ERCC6: variants seen among roughly 807,000 people sequenced by gnomAD.
ERCC6 encodes the protein ERCC excision repair 6, chromatin remodeling factor, also known as DNA excision repair protein ERCC-6.
In ERCC6, 116 loss-of-function variants were observed where a neutral mutation model predicts 158.7. The observed-to-expected ratio is 0.73, with a 90% CI of 0.63 to 0.85. The LOEUF is 0.85. ERCC6 is among the 40% of genes least tolerant of loss of function. The pLI is 0.00. For synonymous variants in ERCC6, 678 were observed against 659.3 expected (o/e 1.03, Z -0.43); for missense variants, 1,698 against 1,799.4 (o/e 0.94, Z 1.02).
intron 8 of ERCC6, among the ~76,000 whole-genome samples, chr10:49,489,711 T>C (rs1851138908): frequency 6.6e-6 from 1 of 152,164 alleles, no homozygotes; most frequent in African/African-American, 2.4e-5. Context: ...ACATAAGCAA[T>C]TTATCATTAT....
In ERCC6 at chr10:49,471,021, A is replaced by C. The variant is rs1454282398; in HGVS notation, c.3024T>G (p.Thr1008=). The C allele has an allele frequency of 1.2e-6, 2 of 1,614,158 alleles. No homozygotes were observed. Among genetic ancestry groups the C allele is most frequent in the Admixed American group, 3.3e-5 (2 of 60,030 alleles). The change falls in exon 17 of 21, where the codon ACT becomes ACG. Residue 1008 remains threonine (T), a synonymous_variant. Coordinates refer to ENST00000355832, the MANE Select transcript of ERCC6 (RefSeq NM_000124.4). ...SNDLYELFTL[T]SPDASQSTET... ...CAGTGCTCTGGGATGCATCAGGACT[A>C]GTCAGAGTAAATAGCTCATAGAGAT...
Position 49,457,672 on chromosome 10 carries a change from C to T in ERCC6, c.*1143G>A, listed in dbSNP as rs748053648. 1.3e-5 allele frequency: 2 copies of T among 152,140 alleles called. No homozygotes were observed. The highest frequency in any genetic ancestry group is 2.9e-5 in the Non-Finnish European group (2 of 68,028). The allele number at this position is 152,140 out of a possible 1,614,324, so 9.4% of individuals were successfully genotyped here. On this transcript the variant is annotated 3_prime_UTR_variant, in exon 21 of 21. Transcript: ENST00000355832. ...ATACAAATCCAAGAAACAAACTGCA[C>T]TAAGACAGCTAAGAAGAAATTTCAG...
At chr10:49,475,965 C>T (rs948793234) in intron 12 of ERCC6, among the ~76,000 whole-genome samples, 2 of 152,204 alleles carry the variant, frequency 1.3e-5, no homozygotes, top group African/African-American at 4.8e-5. Context: ...CTCGCAGCTG[C>T]ATTTGCGTCT....
chr10:49,482,264 C>A (rs1240138314), intron 10 of ERCC6, among the ~76,000 whole-genome samples: 3 of 152,118 alleles, frequency 2.0e-5, no homozygotes. Context: ...TCCTAGTGTC[C>A]CCTTTTCTAA....
At chr10:49,507,460 A>G (rs1360518458) in intron 5 of ERCC6, among the ~76,000 whole-genome samples, 1 of 152,170 alleles carries the variant, frequency 6.6e-6, no homozygotes, top group Non-Finnish European at 1.5e-5. Flanking sequence ...AAAAAAATTT[A>G]ATGTCCTTTT....
intron 7 of ERCC6, among the ~76,000 whole-genome samples, chr10:49,495,180 G>A (rs943490170): frequency 1.3e-5 from 2 of 152,130 alleles, no homozygotes; most frequent in African/African-American, 2.4e-5. Context: ...CTTCAGTCTT[G>A]CTGGGAGTTG....
Position 49,524,176 on chromosome 10 carries a change from T to G in ERCC6, c.1254A>C (p.Pro418=). The change falls in exon 5 of 21, where the codon CCA becomes CCC. Residue 418 remains proline, a synonymous_variant. Coordinates refer to ENST00000355832, the MANE Select transcript of ERCC6 (RefSeq NM_000124.4). ...PKGGKRQKKV[P]VQEIDDDFFP... ...AAAAGTCATCATCAATCTCCTGCAC[T>G]GGCACTTTCTTCTGCCGTTTCCCGC... The G allele has an allele frequency of 6.2e-7, 1 of 1,614,198 alleles. No individual in the cohort carries two copies. The highest frequency in any genetic ancestry group is 8.5e-7 in the Non-Finnish European group (1 of 1,180,034).
At chr10:49,505,596 T>C (rs979440176) in intron 6 of ERCC6, 8 of 277,440 alleles carry the variant, frequency 2.9e-5, no homozygotes, top group African/African-American at 1.1e-4. Flanking sequence ...ACAAAAAAAT[T>C]ATTCAACATA....
chr10:49,473,167 G>T, intron 14 of ERCC6, 139 bp from the exon 15 acceptor site: 1 of 1,172,692 alleles, frequency 8.5e-7, no homozygotes, highest in Non-Finnish European at 1.2e-6. Context: ...GAGACCTCTG[G>T]TGAATCAAAA....
chr10:49,466,995 G>A (rs1024373918), intron 18 of ERCC6, among the ~76,000 whole-genome samples: 5 of 152,078 alleles, frequency 3.3e-5, no homozygotes, highest in Non-Finnish European at 7.4e-5. Flanking sequence ...TGTCCAGGTT[G>A]GTCTCGAACT....
At chr10:49,515,885 G>A in intron 5 of ERCC6, 2 of 1,614,138 alleles carry the variant, frequency 1.2e-6, no homozygotes, top group Non-Finnish European at 1.7e-6. Context: ...TCCATCTGCA[G>A]ACAATATTGC....
chr10:49,449,266 TTA>T (rs1331854151), downstream of ERCC6, among the ~76,000 whole-genome samples: 1 of 152,238 alleles, frequency 6.6e-6, no homozygotes, highest in Non-Finnish European at 1.5e-5. Flanking sequence ...TTGGCCATTT[TTA>T]TATATTTGGG....
chr10:49,438,344 A>G, the ERCC6 span, among the ~76,000 whole-genome samples: 2 of 152,200 alleles, frequency 1.3e-5, no homozygotes, highest in South Asian at 4.1e-4. Flanking sequence ...GGGAGGCAAA[A>G]GGCACTTCTT....
At chr10:49,517,985 G>T (rs998673245) in intron 5 of ERCC6, among the ~76,000 whole-genome samples, 1 of 151,908 alleles carries the variant, frequency 6.6e-6, no homozygotes, top group African/African-American at 2.4e-5. Flanking sequence ...TTTAATTTGG[G>T]CTTTAAAAAA....
chr10:49,454,342 G>A (rs1045408943), downstream of ERCC6, among the ~76,000 whole-genome samples: 1 of 152,154 alleles, frequency 6.6e-6, no homozygotes, highest in African/African-American at 2.4e-5. Context: ...CTCCCTGTGA[G>A]GTACCATACC....
At chr10:49,500,941 G>C (rs1851346181) in intron 6 of ERCC6, 1 of 489,174 alleles carries the variant, frequency 2.0e-6, no homozygotes, top group African/African-American at 1.9e-5. Flanking sequence ...ACTGATAGAT[G>C]GGGTAATTAG....
rs766712094 is a variant in ERCC6, at chr10:49,516,240, C to T, written c.1397+7793G>A. 5.0e-5 allele frequency: 81 copies of T among 1,614,006 alleles called. 1 individual carries two copies. The highest frequency in any genetic ancestry group is 3.7e-4 in the South Asian group (34 of 91,078). ...ACCACACCAAAACTTATAGCCAAAC[C>T]GAATGGGCTTTCCCCGAATAAATTG... is the stretch of plus-strand genomic sequence containing the variant. On this transcript the variant is annotated intron_variant, in intron 5 of 20. Coordinates refer to ENST00000355832, the MANE Select transcript of ERCC6 (RefSeq NM_000124.4).
chr10:49,519,243 G>A (rs4253063), intron 5 of ERCC6, among the ~76,000 whole-genome samples: 26 of 152,306 alleles, frequency 1.7e-4, no homozygotes, highest in South Asian at 6.2e-4. Flanking sequence ...AAGGAAACAT[G>A]TATGTAGAGG....
At chr10:49,449,511 T>C (rs1197393231), downstream of ERCC6, among the ~76,000 whole-genome samples, 1 of 151,666 alleles carries the variant, frequency 6.6e-6, no homozygotes, top group Non-Finnish European at 1.5e-5. Flanking sequence ...CATGAAGATT[T>C]ACCCATTTTC....
Sources: gnomAD v4.1 joint callset for allele counts (sites outside exome capture counted in the v4.1 genomes callset) on GRCh38, gnomAD v4.1.1 for gene constraint, MANE v1.5 for transcripts, NCBI Gene and HGNC (gene_info 2026-07-23, HGNC 2026-07-21) for gene names.